The following RABGGTB variants were observed in gnomAD, a reference collection of about 807,000 sequenced individuals.
The protein encoded by RABGGTB is Rab geranylgeranyltransferase subunit beta, also known as geranylgeranyl transferase type-2 subunit beta.
In RABGGTB, 20 loss-of-function variants were observed where a neutral mutation model predicts 44.5. That is an observed-to-expected ratio of 0.45 (90% confidence interval 0.32 to 0.65). The LOEUF (loss-of-function observed/expected upper bound fraction) is 0.65. Among genes scored for constraint, RABGGTB ranks in the 30% least tolerant of loss-of-function variants. The pLI, the probability that RABGGTB is intolerant of heterozygous loss-of-function variation, is 0.05. For synonymous variants in RABGGTB, 128 were observed against 136.7 expected (o/e 0.94, Z 0.44); for missense variants, 302 against 398.7 (o/e 0.76, Z 2.06).
intron 6 of RABGGTB, chr1:75,791,852 A>T (rs1649654452): frequency 5.3e-6 from 1 of 187,024 alleles, no homozygotes. Flanking sequence ...CATACAGATA[A>T]AAAAAAAAAC....
rs779268955 is a variant in RABGGTB, at chr1:75,789,290, A to G, written c.243A>G (p.Glu81=). Residue 81 remains glutamate (E), a synonymous_variant, in exon 3 of 9, where the codon GAA becomes GAG. Transcript: ENST00000319942. ...ILAFIKSCQH[E]CGGISASIGH... ...CATTTATTAAGTCTTGCCAACATGA[A>G]TGTGGTGGAATAAGTGCTAGTATCG... is the stretch of plus-strand genomic sequence containing the variant. 1.6e-5 allele frequency: 26 copies of G among 1,614,008 alleles called. No individual in the cohort carries two copies. The highest frequency in any genetic ancestry group is 6.7e-5 in the Admixed American group (4 of 60,000).
At chr1:75,789,425 C>T (rs934007954) in intron 3 of RABGGTB, 69 bp downstream of exon 3, 46 of 1,494,922 alleles carry the variant, frequency 3.1e-5, no homozygotes, top group Non-Finnish European at 4.3e-5. Context: ...GAAATTGAAA[C>T]TGTATCAGGA....
At chr1:75,791,679 G>A (rs1226750586) in intron 6 of RABGGTB, 108 bp downstream of exon 6, 20 of 909,658 alleles carry the variant, frequency 2.2e-5, no homozygotes, top group East Asian at 1.5e-4. Context: ...AAGTTAATTC[G>A]ACTGTAATAG....
intron 4 of RABGGTB, chr1:75,790,537 A>G (rs1649621175): frequency 1.1e-6 from 1 of 943,998 alleles, no homozygotes; most frequent in South Asian, 4.9e-5. Flanking sequence ...TTTCATTATT[A>G]GAAATGGACT....
intron 2 of RABGGTB, chr1:75,788,928 A>C (rs554619896): frequency 1.1e-4 from 61 of 537,448 alleles, no homozygotes; most frequent in Middle Eastern, 1.0e-3. Context: ...TCAGCCATAG[A>C]TTAACTAATC....
intron 2 of RABGGTB, chr1:75,788,314 C>T (rs953744547): frequency 5.9e-6 from 1 of 169,012 alleles, no homozygotes; most frequent in African/African-American, 2.4e-5. Context: ...TTCTTTTTTT[C>T]CTTTTGAGAG....
chr1:75,786,807 A>C (rs1008300622), intron 1 of RABGGTB: 5 of 307,146 alleles, frequency 1.6e-5, no homozygotes, highest in Non-Finnish European at 3.1e-5. Flanking sequence ...GGTGGAGAAG[A>C]TGGAGCTAAA....
rs1314771625 is a variant in RABGGTB, at chr1:75,794,812, G to A, written c.*162G>A. 12 of 444,092 alleles carry A rather than the reference G, an allele frequency of 2.7e-5. No homozygotes were observed. The highest frequency in any genetic ancestry group is 3.0e-5 in the Non-Finnish European group (9 of 303,090). 27.5% of individuals were successfully genotyped at this position (444,092 alleles called of 1,614,324 possible). A position where few individuals can be genotyped will look rare whatever the true frequency, so the allele number is the denominator to read the frequency against. On this transcript the variant is annotated 3_prime_UTR_variant, in exon 9 of 9. Transcript: ENST00000319942. ...TTATACATATTGTAAAATAAAGACCGGTATTTTATTTTCTGCTTTTTATTC... is the reference window on the plus strand; with the variant it reads ...TTATACATATTGTAAAATAAAGACCAGTATTTTATTTTCTGCTTTTTATTC...
At chr1:75,789,511 T>C in intron 3 of RABGGTB, 155 bp downstream of exon 3, 1 of 851,466 alleles carries the variant, frequency 1.2e-6, no homozygotes, top group South Asian at 1.3e-5. Context: ...TAGCTGAATC[T>C]AAAGTTGATG....
chr1:75,786,259 T>C lies in RABGGTB; in HGVS notation c.-13T>C, dbSNP rs1161132421. 1.2e-6 allele frequency: 2 copies of C among 1,614,096 alleles called. No individual in the cohort carries two copies. Among genetic ancestry groups the C allele is most frequent in the Non-Finnish European group, 1.7e-6 (2 of 1,180,038 alleles). On this transcript the variant is annotated 5_prime_UTR_variant, in exon 1 of 9. Coordinates refer to ENST00000319942, the MANE Select transcript of RABGGTB (RefSeq NM_004582.4). ...CCAGGAACTGACCCTGCTCTCTCCTTTCCCTGTTAGACATGGTAAGTGTGA... is the reference window on the plus strand; with the variant it reads ...CCAGGAACTGACCCTGCTCTCTCCTCTCCCTGTTAGACATGGTAAGTGTGA...
At chr1:75,787,096 TCTGA>T in intron 1 of RABGGTB, 2 of 527,012 alleles carry the variant, frequency 3.8e-6, no homozygotes, top group Non-Finnish European at 3.8e-6. Context: ...TGGCATGTAT[TCTGA>T]ATCTAAAGTT....
At position 75,787,216 on chromosome 1, in the gene RABGGTB, TTTG is replaced by T. The variant is rs142605109; in HGVS notation, c.4-263_4-261del. On this transcript the variant is annotated intron_variant, in intron 1 of 8. Transcript: ENST00000319942. ...TTAAGTTCTTTTTTGTTGGATACAA[TTTG>T]TTGTTGTTGTTGTTGTTTTGGTTTT... 814 of 627,490 alleles carry T rather than the reference TTTG, an allele frequency of 1.3e-3. 1 individual carries two copies. Among genetic ancestry groups the T allele is most frequent in the African/African-American group, 8.8e-3 (492 of 55,762 alleles). The allele number at this position is 627,490 out of a possible 1,614,324, so 38.9% of individuals were successfully genotyped here.
intron 4 of RABGGTB, among the ~76,000 whole-genome samples, chr1:75,791,074 G>A (rs1179489516): frequency 6.6e-6 from 1 of 152,168 alleles, no homozygotes; most frequent in Admixed American, 6.6e-5. Context: ...ATAGGCAAGA[G>A]CTACTGTGCC....
chr1:75,794,629 T>C lies in RABGGTB; in HGVS notation c.975T>C (p.Val325=), dbSNP rs1012019505. Residue 325 remains valine (V), a synonymous_variant, in exon 9 of 9, where the codon GTT becomes GTC. Transcript: ENST00000319942. ...AAGAAGTGCTTCAGAGAGTGAATGT[T>C]CAGCCTGAGCTAGTGAGCTAGATTC... is the stretch of plus-strand genomic sequence containing the variant. ...MPEEVLQRVN[V]QPELVS is the part of the protein sequence containing the mutation. The C allele has an allele frequency of 1.9e-6, 3 of 1,611,086 alleles. No homozygotes were observed. The highest frequency in any genetic ancestry group is 8.5e-7 in the Non-Finnish European group (1 of 1,178,282).
At chr1:75,789,878 TAA>T (rs1395453240) in intron 3 of RABGGTB, 72 bp from the exon 4 acceptor site, 56 of 1,133,358 alleles carry the variant, frequency 4.9e-5, no homozygotes, top group South Asian at 1.5e-4. Context: ...CTTGACAACT[TAA>T]AAAGAGTTGA....
At chr1:75,786,227 A>G (rs1166516545), upstream of RABGGTB, 7 of 1,613,648 alleles carry the variant, frequency 4.3e-6, no homozygotes, top group Admixed American at 1.7e-5. Flanking sequence ...CCGGCTCCTA[A>G]GTCTACCCAG....
intron 6 of RABGGTB, 89 bp downstream of exon 6, chr1:75,791,660 A>G (rs1649650491): frequency 8.0e-6 from 9 of 1,125,416 alleles, no homozygotes; most frequent in Middle Eastern, 3.0e-4. Flanking sequence ...TGTTTGTCAA[A>G]TACACATAAA....
At chr1:75,786,398 T>A (rs770887501) in intron 1 of RABGGTB, 124 bp downstream of exon 1, 1 of 1,379,644 alleles carries the variant, frequency 7.2e-7, no homozygotes, top group Non-Finnish European at 1.0e-6. Flanking sequence ...GACACAGGCC[T>A]TGGAAGGTTT....
At chr1:75,791,375 A>G (rs1649640478) in intron 5 of RABGGTB, 38 bp downstream of exon 5, 2 of 1,586,348 alleles carry the variant, frequency 1.3e-6, no homozygotes, top group Admixed American at 3.4e-5. Context: ...ATTAAAGTTC[A>G]TGAATACTCT....
Sources: allele counts gnomAD v4.1 joint callset (sites outside exome capture counted in the v4.1 genomes callset), GRCh38; gene constraint gnomAD v4.1.1; transcripts MANE v1.5; gene names NCBI Gene and HGNC (gene_info 2026-07-23, HGNC 2026-07-21).